SLC12A5: variants seen among roughly 807,000 people sequenced by gnomAD.
SLC12A5 encodes K-Cl cotransporter 2.
SLC12A5 carries 18 observed loss-of-function variants against 124.0 expected under a neutral mutation model. That is an observed-to-expected ratio of 0.15 (90% confidence interval 0.10 to 0.22). SLC12A5 has a LOEUF of 0.22. Ranked by LOEUF, SLC12A5 falls within the 10% of genes least tolerant of loss-of-function variation. The pLI is 1.00. For synonymous variants in SLC12A5, 589 were observed against 568.0 expected, an observed-to-expected ratio of 1.04 and a Z score of -0.53; for missense variants, 867 against 1,478.7, an observed-to-expected ratio of 0.59 and a Z score of 6.78.
chr20:46,036,682 C>T (rs2084501350), intron 4 of SLC12A5, 59 bp from the exon 5 acceptor site: 1 of 1,589,736 alleles, frequency 6.3e-7, no homozygotes, highest in African/African-American at 1.3e-5. Context: ...GCTTGGCCCC[C>T]ACCCAGGCCA....
intron 17 of SLC12A5, among the ~76,000 whole-genome samples, chr20:46,050,864 G>T (rs1023200646): frequency 6.6e-6 from 1 of 152,218 alleles, no homozygotes; most frequent in South Asian, 2.1e-4. Context: ...ACAATGTGTT[G>T]AGTGTTTTCA....
chr20:46,052,698 A>C (rs1253955758), intron 18 of SLC12A5, among the ~76,000 whole-genome samples: 2 of 152,228 alleles, frequency 1.3e-5, no homozygotes, highest in Non-Finnish European at 2.9e-5. Flanking sequence ...TAGTAATCAG[A>C]AAGGGCAGGT....
intron 1 of SLC12A5, among the ~76,000 whole-genome samples, chr20:46,034,248 C>T (rs1284313917): frequency 1.3e-5 from 2 of 152,210 alleles, no homozygotes; most frequent in African/African-American, 2.4e-5. Flanking sequence ...CTTCAGCTCT[C>T]AGCGGACACG....
In SLC12A5 at chr20:46,053,871, C is replaced by G. The variant is rs1204631126; in HGVS notation, c.2679+162C>G. On this transcript the variant is annotated intron_variant, in intron 20 of 25. Coordinates refer to ENST00000243964, the MANE Select transcript of SLC12A5 (RefSeq NM_020708.5). The surrounding 1 kb of genome is among the most constrained non-coding windows in gnomAD (Gnocchi z 4.7). ...ACATATTCAGCCATCCCTCCCTTCT[C>G]TATAAAAGTAGCCATGTCTAGTGCT... Among the ~76,000 whole-genome samples, 2 of 152,190 alleles carry G rather than the reference C, an allele frequency of 1.3e-5. No individual in the cohort carries two copies. Among genetic ancestry groups the G allele is most frequent in the Non-Finnish European group, 1.5e-5 (1 of 68,040 alleles).
chr20:46,046,258 C>G (rs113563721), intron 13 of SLC12A5, 80 bp from the exon 14 acceptor site: 2 of 1,314,096 alleles, frequency 1.5e-6, no homozygotes, highest in Non-Finnish European at 2.2e-6. Context: ...CCCCTTTCCC[C>G]CTTTCTCTGC....
rs541317800 is a variant in SLC12A5, at chr20:46,038,793, C to T, written c.612+1408C>T. On this transcript the variant is annotated intron_variant, in intron 6 of 25. Transcript: ENST00000243964. Reference sequence around the variant, plus strand: ...AAACGCCTACTTCTTGATACATTTACGTGTCCTCTATACCACACTGCCTTG... The same window carrying T: ...AAACGCCTACTTCTTGATACATTTATGTGTCCTCTATACCACACTGCCTTG... Among the ~76,000 whole-genome samples the T allele has an allele frequency of 1.8e-3, 274 of 152,286 alleles. 4 individuals are homozygous for T. The South Asian group carries it at 0.055, about 31-fold the overall frequency.
chr20:46,036,178 A>C, intron 4 of SLC12A5: 2 of 441,666 alleles, frequency 4.5e-6, no homozygotes, highest in Admixed American at 3.9e-5. Context: ...GATGGAAATG[A>C]TAAGGGTAGG....
intron 21 of SLC12A5, chr20:46,055,935 T>G: frequency 3.3e-6 from 2 of 597,962 alleles, no homozygotes; most frequent in African/African-American, 1.9e-5. Context: ...GTTAACCCTT[T>G]TGTTGCCAGA....
downstream of SLC12A5, chr20:46,023,656 A>G (rs2084374082): frequency 7.7e-6 from 3 of 392,016 alleles, no homozygotes; most frequent in Admixed American, 1.3e-4. Flanking sequence ...TCAGCCAGGA[A>G]AACTCCTATT....
In SLC12A5 at chr20:46,057,067, A is replaced by T; in HGVS notation, c.3126-103A>T. ...TAGGATTGGTGGTCCTAGGCTTGCA[A>T]GAACCAGTCCCCAGCAGCCCAGTTC... On this transcript the variant is annotated intron_variant, in intron 24 of 25. Coordinates refer to ENST00000243964, the MANE Select transcript of SLC12A5 (RefSeq NM_020708.5). This position sits in a 1 kb window ranked among gnomAD's most constrained non-coding sequence, Gnocchi z 7.1. 6.3e-7 allele frequency: 1 copy of T among 1,595,820 alleles called. No homozygotes were observed. The highest frequency in any genetic ancestry group is 8.6e-7 in the Non-Finnish European group (1 of 1,166,576).
Position 46,053,900 on chromosome 20 carries a change from T to A in SLC12A5, c.2679+191T>A, listed in dbSNP as rs3901163. On this transcript the variant is annotated intron_variant, in intron 20 of 25. Transcript: ENST00000243964. This position sits in a 1 kb window ranked among gnomAD's most constrained non-coding sequence, Gnocchi z 4.7. ...AAAAGTAGCCATGTCTAGTGCTTATTATATGCCAGGCACTGTTCTATGCAC... is the reference window on the plus strand; with the variant it reads ...AAAAGTAGCCATGTCTAGTGCTTATAATATGCCAGGCACTGTTCTATGCAC... Among the ~76,000 whole-genome samples, 1 of 152,226 alleles carries A rather than the reference T, an allele frequency of 6.6e-6. No individual in the cohort carries two copies. Among genetic ancestry groups the A allele is most frequent in the East Asian group, 1.9e-4 (1 of 5,204 alleles).
chr20:46,021,702 G>T (rs963284589), upstream of SLC12A5: 5 of 1,521,922 alleles, frequency 3.3e-6, no homozygotes, highest in African/African-American at 4.2e-5. Context: ...CCCTCCTAGA[G>T]CCTGGTTGCA....
At chr20:46,052,282 T>C (rs923053937) in intron 18 of SLC12A5, among the ~76,000 whole-genome samples, 1 of 152,252 alleles carries the variant, frequency 6.6e-6, no homozygotes, top group Admixed American at 6.5e-5. Flanking sequence ...TAACTAACGT[T>C]TCTAGAATGA....
At position 46,056,972 on chromosome 20, in the gene SLC12A5, C is replaced by A. The variant is rs1480477176; in HGVS notation, c.3125+61C>A. 6.2e-7 allele frequency: 1 copy of A among 1,612,670 alleles called. No individual in the cohort carries two copies. Among genetic ancestry groups the A allele is most frequent in the Non-Finnish European group, 8.5e-7 (1 of 1,178,772 alleles). ...GGATGGCCAGGGTCCCTACCCTCCTCACTCTGTTGTGAACCCCTAATTGGT... is the reference window on the plus strand; with the variant it reads ...GGATGGCCAGGGTCCCTACCCTCCTAACTCTGTTGTGAACCCCTAATTGGT... On this transcript the variant is annotated intron_variant, in intron 24 of 25. Transcript: ENST00000243964. This position sits in a 1 kb window ranked among gnomAD's most constrained non-coding sequence, Gnocchi z 4.3.
In SLC12A5 at chr20:46,059,547, G is replaced by C. The variant is rs1735971348; in HGVS notation, c.*1942G>C. Reference sequence around the variant, plus strand: ...GCTGATGTGATGGGCTGTGCAGAAGGGGGCTGTATCAACATCAATTAGGGA... The same window carrying C: ...GCTGATGTGATGGGCTGTGCAGAAGCGGGCTGTATCAACATCAATTAGGGA... On this transcript the variant is annotated 3_prime_UTR_variant, in exon 26 of 26. Coordinates refer to ENST00000243964, the MANE Select transcript of SLC12A5 (RefSeq NM_020708.5). 1 of 399,074 alleles carries C rather than the reference G, an allele frequency of 2.5e-6. No homozygotes were observed. Among genetic ancestry groups the C allele is most frequent in the Non-Finnish European group, 4.4e-6 (1 of 226,078 alleles). 24.7% of individuals were successfully genotyped at this position (399,074 alleles called of 1,614,324 possible). A position where few individuals can be genotyped will look rare whatever the true frequency, so the allele number is the denominator to read the frequency against.
intron 8 of SLC12A5, among the ~76,000 whole-genome samples, chr20:46,042,668 G>A (rs1006537125): frequency 6.6e-6 from 1 of 152,126 alleles, no homozygotes; most frequent in African/African-American, 2.4e-5. Context: ...AGAGACCTTG[G>A]AATGGAGAGA....
chr20:46,033,667 T>A (rs2084472953), intron 1 of SLC12A5, among the ~76,000 whole-genome samples: 1 of 152,080 alleles, frequency 6.6e-6, no homozygotes, highest in Admixed American at 6.6e-5. Flanking sequence ...CTTCCCCACC[T>A]CCAAACTCCT....
At chr20:46,028,121 T>C (rs919567642), upstream of SLC12A5, among the ~76,000 whole-genome samples, 1 of 152,146 alleles carries the variant, frequency 6.6e-6, no homozygotes, top group Non-Finnish European at 1.5e-5. Context: ...CCCAGGATGA[T>C]CAAGCTTCTG....
upstream of SLC12A5, chr20:46,029,197 T>C: frequency 6.9e-7 from 1 of 1,440,334 alleles, no homozygotes; most frequent in Non-Finnish European, 9.1e-7. Flanking sequence ...CGAGTGTGTG[T>C]GCGCCGGGCG....
Sources: gnomAD v4.1 joint callset for allele counts (sites outside exome capture counted in the v4.1 genomes callset) on GRCh38, gnomAD v4.1.1 for gene constraint, Gnocchi (gnomAD v3.1) non-coding constraint, MANE v1.5 for transcripts, NCBI Gene and HGNC (gene_info 2026-07-23, HGNC 2026-07-21) for gene names.